The following WWOX variants were observed in gnomAD, a reference collection of about 807,000 sequenced individuals.
The protein encoded by WWOX is WW domain-containing oxidoreductase.
A neutral mutation model predicts 46.2 loss-of-function variants in WWOX; 69 were observed. That is an observed-to-expected ratio of 1.49 (90% CI 1.23 to 1.82). The LOEUF (loss-of-function observed/expected upper bound fraction) is 1.82. Among genes scored for constraint, WWOX ranks in the 40% most tolerant of loss-of-function variants. The pLI is 0.00. For missense variants in WWOX, 919 were observed against 542.6 expected (o/e 1.69, Z -6.89); for synonymous variants, 359 against 202.6 (o/e 1.77, Z -6.56).
At chr16:78,770,697 T>G (rs1277366533) in intron 8 of WWOX, among the ~76,000 whole-genome samples, 1 of 115,618 alleles carries the variant, frequency 8.6e-6, no homozygotes, top group East Asian at 3.0e-4. Flanking sequence ...CACAGGGAGA[T>G]GCCCCTATGG....
intron 8 of WWOX, among the ~76,000 whole-genome samples, chr16:78,674,339 C>T (rs906153597): frequency 7.4e-5 from 11 of 149,234 alleles, no homozygotes; most frequent in African/African-American, 2.5e-4. Flanking sequence ...GGCTGGAGTG[C>T]AGTGGTGCGA....
intron 8 of WWOX, among the ~76,000 whole-genome samples, chr16:78,590,070 A>G (rs2045314392): frequency 6.6e-6 from 1 of 152,148 alleles, no homozygotes; most frequent in Admixed American, 6.6e-5. Context: ...ATAAGCTATG[A>G]TGCCTATCCT....
chr16:79,060,844 T>C (rs1198068879), intron 8 of WWOX, among the ~76,000 whole-genome samples: 1 of 152,264 alleles, frequency 6.6e-6, no homozygotes, highest in Non-Finnish European at 1.5e-5. Flanking sequence ...CCAATAATTT[T>C]ATTGAAATGA....
intron 5 of WWOX, among the ~76,000 whole-genome samples, chr16:78,208,306 T>C (rs1165753284): frequency 6.6e-6 from 1 of 151,140 alleles, no homozygotes; most frequent in African/African-American, 2.4e-5. Context: ...GAGTAATTCT[T>C]TGCCATTCTG....
At chr16:79,195,544 C>G (rs887960863) in intron 8 of WWOX, among the ~76,000 whole-genome samples, 1 of 152,144 alleles carries the variant, frequency 6.6e-6, no homozygotes, top group African/African-American at 2.4e-5. Context: ...CTCAGCAGCA[C>G]ACTACAATAT....
At chr16:78,297,963 T>G (rs940673991) in intron 5 of WWOX, among the ~76,000 whole-genome samples, 1 of 152,182 alleles carries the variant, frequency 6.6e-6, no homozygotes, top group African/African-American at 2.4e-5. Flanking sequence ...TGGGAGGTGA[T>G]TGAATCATGG....
chr16:78,943,720 T>C (rs924710618), intron 8 of WWOX, among the ~76,000 whole-genome samples: 77 of 152,114 alleles, frequency 5.1e-4, no homozygotes, highest in African/African-American at 1.9e-3. Flanking sequence ...GGACCAGCAG[T>C]AAAAGGTAGC....
intron 8 of WWOX, among the ~76,000 whole-genome samples, chr16:78,788,503 A>C (rs1457325236): frequency 6.6e-6 from 1 of 152,134 alleles, no homozygotes; most frequent in Non-Finnish European, 1.5e-5. Flanking sequence ...CTCCCATAAA[A>C]ACCCAAGAGG....
At chr16:78,626,291 C>T (rs1040087717) in intron 8 of WWOX, among the ~76,000 whole-genome samples, 8 of 152,228 alleles carry the variant, frequency 5.3e-5, no homozygotes, top group South Asian at 2.1e-4. Context: ...CCACCACGCT[C>T]AGCTAATTTT....
intron 8 of WWOX, chr16:78,496,345 G>C (rs2084918148): frequency 6.6e-6 from 1 of 152,238 alleles, no homozygotes; most frequent in Admixed American, 6.5e-5. Context: ...TTATAGATGA[G>C]TGCCAAGTTG....
At chr16:79,135,634 T>G (rs955669405) in intron 8 of WWOX, among the ~76,000 whole-genome samples, 1 of 152,190 alleles carries the variant, frequency 6.6e-6, no homozygotes, top group African/African-American at 2.4e-5. Context: ...TTCAAATTTT[T>G]AACAGATATT....
chr16:78,459,621 G>A (rs2738647), intron 8 of WWOX, among the ~76,000 whole-genome samples: 36,120 of 152,038 alleles, frequency 0.24, 4,699 homozygotes, highest in African/African-American at 0.34. Flanking sequence ...TCTACTTTCT[G>A]CATTTGCGTG....
chr16:78,792,459 T>C (rs930493465), intron 8 of WWOX, among the ~76,000 whole-genome samples: 2 of 152,172 alleles, frequency 1.3e-5, no homozygotes, highest in Non-Finnish European at 2.9e-5. Context: ...ATGGTCGTAC[T>C]CCAGGGTGAG....
At chr16:78,752,189 T>A (rs1030577564) in intron 8 of WWOX, among the ~76,000 whole-genome samples, 36 of 152,378 alleles carry the variant, frequency 2.4e-4, no homozygotes, top group African/African-American at 8.4e-4. Context: ...ACTGAAAATA[T>A]ACCTTTAAGT....
At chr16:78,395,033 A>C (rs2082254434) in intron 6 of WWOX, among the ~76,000 whole-genome samples, 1 of 152,232 alleles carries the variant, frequency 6.6e-6, no homozygotes, top group African/African-American at 2.4e-5. Flanking sequence ...AAATTACCAG[A>C]CACATCTCAC....
chr16:78,545,362 C>A (rs1206207060), intron 8 of WWOX, among the ~76,000 whole-genome samples: 1 of 151,776 alleles, frequency 6.6e-6, no homozygotes, highest in African/African-American at 2.4e-5. Flanking sequence ...GAGATGGTTC[C>A]TTTTAATCCA....
intron 8 of WWOX, among the ~76,000 whole-genome samples, chr16:78,992,944 TC>T (rs1167646761): frequency 5.3e-5 from 2 of 37,958 alleles, no homozygotes; most frequent in Non-Finnish European, 1.1e-4. Context: ...TCCATTAGAG[TC>T]TCATCTTTAA....
chr16:79,069,946 A>G (rs371039487), intron 8 of WWOX, among the ~76,000 whole-genome samples: 2 of 152,234 alleles, frequency 1.3e-5, no homozygotes, highest in African/African-American at 2.4e-5. Flanking sequence ...TTTGTGTCAC[A>G]TATTTAAGGA....
intron 7 of WWOX, among the ~76,000 whole-genome samples, chr16:78,426,230 G>A (rs535118186): frequency 6.6e-6 from 1 of 152,274 alleles, no homozygotes; most frequent in Non-Finnish European, 1.5e-5. Context: ...AAGTGGAGTG[G>A]CCCTGTTAAG....
Sources: allele counts gnomAD v4.1 joint callset (sites outside exome capture counted in the v4.1 genomes callset), GRCh38; gene constraint gnomAD v4.1.1; transcripts MANE v1.5; gene names NCBI Gene and HGNC (gene_info 2026-07-23, HGNC 2026-07-21).